CACNA1E: variants seen among roughly 807,000 people sequenced by gnomAD.
CACNA1E encodes the protein calcium voltage-gated channel subunit alpha1 E.
Under a neutral mutation model 259.2 loss-of-function variants are expected in CACNA1E, and 40 were observed. The observed-to-expected ratio is 0.15, with a 90% CI of 0.12 to 0.20. The LOEUF (loss-of-function observed/expected upper bound fraction) is 0.20, where lower values mean the gene tolerates loss of function less well. CACNA1E is among the 10% of genes least tolerant of loss of function. CACNA1E has a pLI of 1.00. For missense variants in CACNA1E, 1,874 were observed against 3,040.1 expected (o/e 0.62, Z 9.02); for synonymous variants, 1,104 against 1,138.5 (o/e 0.97, Z 0.61).
chr1:181,627,936 A>C (rs568763624), intron 6 of CACNA1E, among the ~76,000 whole-genome samples: 1 of 152,312 alleles, frequency 6.6e-6, no homozygotes, highest in African/African-American at 2.4e-5. Context: ...TGTATTGTGA[A>C]ATTGGCATTT....
At chr1:181,473,908 A>G (rs1445040240) in intron 2 of CACNA1E, among the ~76,000 whole-genome samples, 2 of 152,216 alleles carry the variant, frequency 1.3e-5, no homozygotes, top group Non-Finnish European at 2.9e-5. Context: ...TTCCTGTAAA[A>G]TGGGGTTTAT....
intron 1 of CACNA1E, among the ~76,000 whole-genome samples, chr1:181,488,449 G>A (rs974493819): frequency 6.6e-6 from 1 of 152,224 alleles, no homozygotes; most frequent in Non-Finnish European, 1.5e-5. Context: ...TGGTACTGGA[G>A]CTGTAGGAGA....
intron 2 of CACNA1E, among the ~76,000 whole-genome samples, chr1:181,438,933 G>C (rs1369181510): frequency 6.6e-6 from 1 of 152,232 alleles, no homozygotes; most frequent in Non-Finnish European, 1.5e-5. Context: ...CAAGGGAATA[G>C]ATAAAGTGTG....
At chr1:181,701,873 C>T (rs1358431222) in intron 7 of CACNA1E, among the ~76,000 whole-genome samples, 1 of 152,056 alleles carries the variant, frequency 6.6e-6, no homozygotes, top group Non-Finnish European at 1.5e-5. Context: ...TTGTTTTAAA[C>T]TTTATTTGCA....
intron 7 of CACNA1E, among the ~76,000 whole-genome samples, chr1:181,709,353 A>G (rs933456938): frequency 1.3e-5 from 2 of 152,146 alleles, no homozygotes; most frequent in Non-Finnish European, 2.9e-5. Flanking sequence ...CCTGAAGCCA[A>G]GCACAGGAGA....
intron 1 of CACNA1E, among the ~76,000 whole-genome samples, chr1:181,368,534 C>T (rs1210547976): frequency 6.6e-6 from 1 of 152,122 alleles, no homozygotes; most frequent in African/African-American, 2.4e-5. Flanking sequence ...ATTCAGACAT[C>T]CCTATGGAGC....
chr1:181,667,882 T>A (rs1648398507), intron 7 of CACNA1E, among the ~76,000 whole-genome samples: 1 of 151,710 alleles, frequency 6.6e-6, no homozygotes, highest in African/African-American at 2.4e-5. Flanking sequence ...AATTATAGAA[T>A]CAACAGGAAG....
chr1:181,395,013 T>A (rs1421818473), intron 1 of CACNA1E, among the ~76,000 whole-genome samples: 1 of 152,148 alleles, frequency 6.6e-6, no homozygotes, highest in Non-Finnish European at 1.5e-5. Context: ...AGAGGAATGA[T>A]GTGCTCTGCC....
chr1:181,805,001 CCTT>C lies in CACNA1E; in HGVS notation c.*6170_*6172del, dbSNP rs1022767480. 2.0e-5 allele frequency: 3 copies of C among 150,904 alleles called. No homozygotes were observed. Among genetic ancestry groups the C allele is most frequent in the Non-Finnish European group, 4.4e-5 (3 of 67,796 alleles). The allele number at this position is 150,904 out of a possible 1,614,324, so 9.3% of individuals were successfully genotyped here. On this transcript the variant is annotated 3_prime_UTR_variant, in exon 48 of 48. Transcript: ENST00000367573. The stretch of plus-strand genomic sequence containing the variant: ...TCATGATCTGAGCTTCCTTATGTCT[CCTT>C]CTCTTTGTGCAAACTTAAACCAGTC...
chr1:181,489,699 T>G (rs573946643), intron 1 of CACNA1E, among the ~76,000 whole-genome samples: 228 of 152,342 alleles, frequency 1.5e-3, no homozygotes, highest in Non-Finnish European at 2.3e-3. Flanking sequence ...TGATAAATGC[T>G]GAACGACTAG....
chr1:181,619,390 G>T (rs1409732873), intron 6 of CACNA1E, among the ~76,000 whole-genome samples: 1 of 151,726 alleles, frequency 6.6e-6, no homozygotes, highest in Admixed American at 6.5e-5. Context: ...GGTCAGGGAG[G>T]AGCTAGGAGA....
intron 36 of CACNA1E, 69 bp downstream of exon 36, chr1:181,771,453 T>G (rs1165929354): frequency 6.3e-6 from 5 of 798,052 alleles, no homozygotes; most frequent in Non-Finnish European, 1.1e-5. Flanking sequence ...GTCTGCCTCT[T>G]CCTCCCATTT....
In CACNA1E at chr1:181,432,011, G is replaced by A. The variant is rs147453853; in HGVS notation, c.434+18431G>A. On this transcript the variant is annotated intron_variant, in intron 2 of 11. Coordinates refer to the CACNA1E transcript ENST00000524607. ...CATCTTTAGTGTGGCTTCCTGCATC[G>A]CCGATCGACCAAGTGGCAGACCTGA... Among the ~76,000 whole-genome samples, 27 of 152,242 alleles carry A rather than the reference G, an allele frequency of 1.8e-4. No homozygotes were observed. The East Asian group carries it at 2.1e-3, about 12-fold the overall frequency.
intron 1 of CACNA1E, among the ~76,000 whole-genome samples, chr1:181,379,594 G>A (rs1655324698): frequency 1.3e-5 from 2 of 152,120 alleles, no homozygotes; most frequent in Admixed American, 1.3e-4. Context: ...CTCACTTTCT[G>A]GCTTATAGAC....
chr1:181,530,692 C>T (rs981559094), intron 3 of CACNA1E, among the ~76,000 whole-genome samples: 1 of 152,170 alleles, frequency 6.6e-6, no homozygotes, highest in Admixed American at 6.5e-5. Context: ...GTTGCTGGTA[C>T]CTTTACCTGT....
chr1:181,342,230 G>A (rs1438409523), intron 1 of CACNA1E, among the ~76,000 whole-genome samples: 1 of 152,166 alleles, frequency 6.6e-6, no homozygotes, highest in East Asian at 1.9e-4. Flanking sequence ...AGTGCTCTGG[G>A]CAAGGGGACA....
chr1:181,757,367 G>A (rs777155237), intron 30 of CACNA1E, among the ~76,000 whole-genome samples: 1 of 152,166 alleles, frequency 6.6e-6, no homozygotes, highest in African/African-American at 2.4e-5. Flanking sequence ...TTACCTTTGT[G>A]TGCACATAGT....
intron 1 of CACNA1E, among the ~76,000 whole-genome samples, chr1:181,399,336 G>A (rs1350725699): frequency 6.6e-6 from 1 of 151,650 alleles, no homozygotes; most frequent in African/African-American, 2.4e-5. Context: ...ATTCTGACAG[G>A]AGATACATTG....
chr1:181,723,748 T>G (rs1654626965), intron 16 of CACNA1E, among the ~76,000 whole-genome samples: 1 of 152,136 alleles, frequency 6.6e-6, no homozygotes, highest in African/African-American at 2.4e-5. Context: ...GAAAACACAT[T>G]TACTGGTTTA....
Sources: gnomAD v4.1 joint callset for allele counts (sites outside exome capture counted in the v4.1 genomes callset) on GRCh38, gnomAD v4.1.1 for gene constraint, MANE v1.5 for transcripts, NCBI Gene and HGNC (gene_info 2026-07-23, HGNC 2026-07-21) for gene names.